The following USP10 variants were observed in gnomAD, a reference collection of about 807,000 sequenced individuals.
USP10 encodes the protein ubiquitin specific peptidase 10.
Under a neutral mutation model 84.5 loss-of-function variants are expected in USP10, and 22 were observed. That is an observed-to-expected ratio of 0.26 (90% CI 0.19 to 0.37). The LOEUF (loss-of-function observed/expected upper bound fraction) is 0.37. USP10 is among the 10% of genes least tolerant of loss of function. USP10 has a pLI of 1.00. For missense variants in USP10, 1,019 were observed against 998.9 expected (o/e 1.02, Z -0.27); for synonymous variants, 454 against 387.6 (o/e 1.17, Z -2.01).
chr16:84,775,228 G>T lies in USP10; in HGVS notation c.2209+3G>T. ...CCGAACCTATCGGCTCTTTGCAGGT[G>T]AGTAAATTTGTACGACATTACTTCT... On this transcript the variant is annotated splice_donor_region_variant and intron_variant, in intron 13 of 13. Transcript: ENST00000219473. 1 of 1,613,150 alleles carries T rather than the reference G, an allele frequency of 6.2e-7. No homozygotes were observed. The highest frequency in any genetic ancestry group is 8.5e-7 in the Non-Finnish European group (1 of 1,179,152).
At chr16:84,742,354 A>G (rs1029559594) in intron 3 of USP10, among the ~76,000 whole-genome samples, 18 of 152,150 alleles carry the variant, frequency 1.2e-4, no homozygotes, top group Admixed American at 9.8e-4. Flanking sequence ...CTTTTTCTAA[A>G]GCTATTCACA....
chr16:84,776,489 C>T (rs575928146), intron 13 of USP10, among the ~76,000 whole-genome samples: 27 of 152,336 alleles, frequency 1.8e-4, no homozygotes, highest in Admixed American at 3.9e-4. Flanking sequence ...GGGCACCACG[C>T]GCTTGTGGGT....
intron 10 of USP10, among the ~76,000 whole-genome samples, chr16:84,765,635 C>T (rs1750009113): frequency 6.6e-6 from 1 of 152,154 alleles, no homozygotes; most frequent in Admixed American, 6.5e-5. Context: ...GTTCCCTTGT[C>T]TATATATACA....
intron 1 of USP10, among the ~76,000 whole-genome samples, chr16:84,710,116 A>G (rs1192102511): frequency 2.0e-5 from 3 of 152,092 alleles, no homozygotes; most frequent in African/African-American, 4.8e-5. Flanking sequence ...CTAAAAATAC[A>G]AAAATTAGCC....
chr16:84,744,829 G>C lies in USP10; in HGVS notation c.348G>C (p.Gln116His). ...CAAGCTATGGCTCCATCGACTGCCA[G>C]TACCCAGGCTCTGCCCTCGCTTTGG... ...KEASYGSIDC[Q>H]YPGSALALDG... Residue 116 changes from glutamine to histidine, a missense_variant, in exon 4 of 14, where the codon CAG becomes CAC. Gln to His is a conservative substitution (Grantham distance 24). Around this residue, in one of 2 missense-constraint regions of USP10, gnomAD observed 787 missense variants for 708.8 expected, o/e 1.11. Transcript: ENST00000219473. 3.7e-6 allele frequency: 6 copies of C among 1,613,776 alleles called. No homozygotes were observed. The highest frequency in any genetic ancestry group is 4.2e-6 in the Non-Finnish European group (5 of 1,179,724).
At chr16:84,730,719 T>C (rs867978776) in intron 1 of USP10, among the ~76,000 whole-genome samples, 1 of 152,176 alleles carries the variant, frequency 6.6e-6, no homozygotes, top group Non-Finnish European at 1.5e-5. Flanking sequence ...TGTAGTGTTC[T>C]TACTGGATTG....
rs117941836 is a variant in USP10 at position 84,717,261 on chromosome 16, C to A, written c.22-16174C>A. On this transcript the variant is annotated intron_variant, in intron 1 of 13. Transcript: ENST00000219473. ...GTACATGCATTCTTTAGGGGGTGGG[C>A]CTAATTCCCTTACATCAGTTTCTCG... Among the ~76,000 whole-genome samples the A allele has an allele frequency of 3.9e-5, 6 of 152,050 alleles. No individual in the cohort carries two copies. In the East Asian group the frequency reaches 1.2e-3, roughly 29 times the overall value.
chr16:84,719,380 T>C (rs1381535024), intron 1 of USP10, among the ~76,000 whole-genome samples: 2 of 152,228 alleles, frequency 1.3e-5, no homozygotes, highest in African/African-American at 2.4e-5. Context: ...GGAATGCCCC[T>C]ACACAGTGAT....
At chr16:84,728,441 G>C (rs1463778428) in intron 1 of USP10, among the ~76,000 whole-genome samples, 1 of 151,852 alleles carries the variant, frequency 6.6e-6, no homozygotes, top group Non-Finnish European at 1.5e-5. Context: ...CCCGGTTCAA[G>C]CGATTCCCCT....
intron 1 of USP10, among the ~76,000 whole-genome samples, chr16:84,706,278 A>G (rs535993672): frequency 2.6e-5 from 4 of 152,206 alleles, no homozygotes; most frequent in South Asian, 4.1e-4. Flanking sequence ...ATGAAGTTCA[A>G]TTCTAGAGGT....
intron 9 of USP10, among the ~76,000 whole-genome samples, chr16:84,763,640 A>C (rs1169671245): frequency 6.6e-6 from 1 of 152,216 alleles, no homozygotes; most frequent in African/African-American, 2.4e-5. Flanking sequence ...CAGGGATGTC[A>C]TTTCTAGGAG....
chr16:84,722,490 G>A (rs1299029652), intron 1 of USP10, among the ~76,000 whole-genome samples: 1 of 152,208 alleles, frequency 6.6e-6, no homozygotes, highest in Non-Finnish European at 1.5e-5. Flanking sequence ...TTTCAAAGCG[G>A]CCATGCCGTT....
intron 11 of USP10, among the ~76,000 whole-genome samples, chr16:84,771,428 A>G (rs1597401849): frequency 6.6e-6 from 1 of 151,724 alleles, no homozygotes; most frequent in Non-Finnish European, 1.5e-5. Context: ...CCAGGAAGTC[A>G]AGGCTGCAGT....
chr16:84,758,614 A>G (rs1912854219), intron 4 of USP10, 102 bp from the exon 5 acceptor site: 1 of 816,902 alleles, frequency 1.2e-6, no homozygotes, highest in African/African-American at 1.7e-5. Context: ...TGTTTTACTG[A>G]AGGGATTTTA....
At chr16:84,734,200 G>T (rs1909605546) in intron 2 of USP10, among the ~76,000 whole-genome samples, 1 of 152,032 alleles carries the variant, frequency 6.6e-6, no homozygotes, top group African/African-American at 2.4e-5. Flanking sequence ...CTGCTCGTTT[G>T]CTATCTAGGA....
chr16:84,757,429 G>C (rs1399979501), intron 4 of USP10, among the ~76,000 whole-genome samples: 3 of 149,492 alleles, frequency 2.0e-5, no homozygotes, highest in Non-Finnish European at 4.5e-5. Context: ...GTGTGTGTGT[G>C]TGTGTGTGTG....
chr16:84,733,589 G>C (rs1280071678), intron 2 of USP10, 86 bp downstream of exon 2: 2 of 1,007,192 alleles, frequency 2.0e-6, no homozygotes, highest in East Asian at 2.7e-5. Flanking sequence ...TTTAAATAAA[G>C]AATTCCAATG....
At chr16:84,714,581 A>G (rs150387520) in intron 1 of USP10, among the ~76,000 whole-genome samples, 2 of 151,680 alleles carry the variant, frequency 1.3e-5, no homozygotes, top group South Asian at 2.1e-4. Context: ...AATCTTCAGC[A>G]TTGTTTTTTA....
chr16:84,707,568 A>G (rs1567586318), intron 1 of USP10, among the ~76,000 whole-genome samples: 1 of 152,152 alleles, frequency 6.6e-6, no homozygotes, highest in African/African-American at 2.4e-5. Context: ...GGTCTGTTGT[A>G]TCTAGTCACT....
Sources: gnomAD v4.1 joint callset for allele counts (sites outside exome capture counted in the v4.1 genomes callset) on GRCh38, gnomAD v4.1.1 for gene constraint, gnomAD v4.1.1 regional missense constraint, MANE v1.5 for transcripts, NCBI Gene and HGNC (gene_info 2026-07-23, HGNC 2026-07-21) for gene names.